GABRB3: variants seen among roughly 807,000 people sequenced by gnomAD.
GABRB3 encodes the protein gamma-aminobutyric acid type A receptor subunit beta3.
Under a neutral mutation model 52.1 loss-of-function variants are expected in GABRB3, and 14 were observed. That is an observed-to-expected ratio of 0.27 (90% CI 0.18 to 0.42). The LOEUF (loss-of-function observed/expected upper bound fraction) is 0.42, where lower values mean the gene tolerates loss of function less well. Ranked by LOEUF, GABRB3 falls within the 10% of genes least tolerant of loss-of-function variation. The pLI is 1.00. For missense variants in GABRB3, 307 were observed against 609.1 expected (o/e 0.50, Z 5.22); for synonymous variants, 260 against 232.3 (o/e 1.12, Z -1.08).
chr15:26,755,784 C>A (rs972358841), intron 3 of GABRB3, among the ~76,000 whole-genome samples: 1 of 152,172 alleles, frequency 6.6e-6, no homozygotes, highest in African/African-American at 2.4e-5. Context: ...ACTCAGTAAT[C>A]TTATTTAATG....
At chr15:26,727,892 A>G (rs796282732) in intron 3 of GABRB3, among the ~76,000 whole-genome samples, 3 of 152,312 alleles carry the variant, frequency 2.0e-5, no homozygotes, top group African/African-American at 7.2e-5. Flanking sequence ...TATTGAATAT[A>G]CCCACTTATT....
chr15:26,553,036 A>T (rs529416149), intron 8 of GABRB3, among the ~76,000 whole-genome samples: 1 of 152,380 alleles, frequency 6.6e-6, no homozygotes, highest in African/African-American at 2.4e-5. Context: ...CGATTGTATT[A>T]GAATGTCCAG....
chr15:26,588,890 A>T (rs1054760191), intron 4 of GABRB3, among the ~76,000 whole-genome samples: 1 of 152,224 alleles, frequency 6.6e-6, no homozygotes, highest in Non-Finnish European at 1.5e-5. Flanking sequence ...CAAATAATAC[A>T]TGTCTAAAGA....
chr15:26,672,012 G>A (rs1004862506), intron 3 of GABRB3, among the ~76,000 whole-genome samples: 3 of 152,092 alleles, frequency 2.0e-5, no homozygotes, highest in Non-Finnish European at 2.9e-5. Flanking sequence ...GGGTCATACC[G>A]AGAAAAATTT....
chr15:26,556,589 G>A (rs1286091441), intron 8 of GABRB3, among the ~76,000 whole-genome samples: 1 of 152,116 alleles, frequency 6.6e-6, no homozygotes, highest in African/African-American at 2.4e-5. Flanking sequence ...AAACAACTCA[G>A]GAACAAACAG....
intron 3 of GABRB3, among the ~76,000 whole-genome samples, chr15:26,755,920 T>C (rs1481603364): frequency 6.6e-6 from 1 of 152,176 alleles, no homozygotes; most frequent in Non-Finnish European, 1.5e-5. Flanking sequence ...AGAAAACTAC[T>C]AAGTAAAATA....
intron 4 of GABRB3, among the ~76,000 whole-genome samples, chr15:26,602,613 T>G (rs143948346): frequency 2.0e-5 from 3 of 152,170 alleles, no homozygotes; most frequent in African/African-American, 7.2e-5. Flanking sequence ...AGAGGAATTT[T>G]GGAAACTATA....
At chr15:26,627,653 C>T (rs1017961816) in intron 3 of GABRB3, among the ~76,000 whole-genome samples, 1 of 152,032 alleles carries the variant, frequency 6.6e-6, no homozygotes, top group African/African-American at 2.4e-5. Context: ...TTGAAGATTT[C>T]CCTGAATTTC....
rs1892500795 is a variant in GABRB3, at chr15:26,621,980, G to A, written c.241-446C>T. Among the ~76,000 whole-genome samples, 1 of 152,080 alleles carries A rather than the reference G, an allele frequency of 6.6e-6. No individual in the cohort carries two copies. Among genetic ancestry groups the A allele is most frequent in the Non-Finnish European group, 1.5e-5 (1 of 68,032 alleles). ...TCTGCAATTTGAGCCACTTTCCTCT[G>A]GTTCTGCCCTCCATGAGGGCTATAA... is the stretch of plus-strand genomic sequence containing the variant. On this transcript the variant is annotated intron_variant, in intron 3 of 8. Transcript: ENST00000311550. The surrounding 1 kb of genome is among the most constrained non-coding windows in gnomAD (Gnocchi z 4.1).
At chr15:26,655,263 A>C (rs1455901424) in intron 3 of GABRB3, among the ~76,000 whole-genome samples, 1 of 152,162 alleles carries the variant, frequency 6.6e-6, no homozygotes, top group African/African-American at 2.4e-5. Context: ...TCCTTTAATA[A>C]TCACTTTATT....
intron 3 of GABRB3, among the ~76,000 whole-genome samples, chr15:26,645,023 G>A (rs1257207050): frequency 6.6e-6 from 1 of 152,194 alleles, no homozygotes; most frequent in African/African-American, 2.4e-5. Context: ...TAAGAAGGAA[G>A]GATTGCTTGA....
chr15:26,607,847 T>C (rs1023703201), intron 4 of GABRB3, among the ~76,000 whole-genome samples: 1 of 152,030 alleles, frequency 6.6e-6, no homozygotes, highest in African/African-American at 2.4e-5. Context: ...AAATGAAATA[T>C]ATCTGTATTA....
chr15:26,580,474 G>C lies in GABRB3; in HGVS notation c.545-18C>G. ...GTAGCCATCTGCCAAGAGAGAAGCA[G>C]GGAGACAGCAAACATCACCATTTCG... On this transcript the variant is annotated intron_variant, in intron 5 of 8. Transcript: ENST00000311550. The C allele has an allele frequency of 6.2e-7, 1 of 1,614,116 alleles. No individual in the cohort carries two copies. The highest frequency in any genetic ancestry group is 8.5e-7 in the Non-Finnish European group (1 of 1,180,006).
chr15:26,622,989 G>C (rs1892543190), intron 3 of GABRB3, among the ~76,000 whole-genome samples: 1 of 152,170 alleles, frequency 6.6e-6, no homozygotes, highest in Admixed American at 6.5e-5. Context: ...CAGATGAAAA[G>C]AAGCAGGCAT....
rs563686492 is a variant in GABRB3, at chr15:26,678,171, T to C, written c.241-56637A>G. Among the ~76,000 whole-genome samples, 9 of 152,286 alleles carry C rather than the reference T, an allele frequency of 5.9e-5. No homozygotes were observed. The East Asian group carries it at 1.5e-3, about 26-fold the overall frequency. ...CTTGAGACATCTTCATAAGACCCACTCAATCCTTGGTGATTTTTATCTTCA... is the reference window on the plus strand; with the variant it reads ...CTTGAGACATCTTCATAAGACCCACCCAATCCTTGGTGATTTTTATCTTCA... On this transcript the variant is annotated intron_variant, in intron 3 of 8. Coordinates refer to ENST00000311550, the MANE Select transcript of GABRB3 (RefSeq NM_000814.6).
intron 3 of GABRB3, among the ~76,000 whole-genome samples, chr15:26,655,205 C>G (rs779244630): frequency 6.6e-6 from 1 of 152,116 alleles, no homozygotes; most frequent in Non-Finnish European, 1.5e-5. Context: ...GTGCTGCATG[C>G]TTCACATTAT....
intron 3 of GABRB3, among the ~76,000 whole-genome samples, chr15:26,768,497 T>C (rs561908297): frequency 6.6e-6 from 1 of 152,212 alleles, no homozygotes; most frequent in Non-Finnish European, 1.5e-5. Context: ...TTTCAATATT[T>C]TATGTTTCCT....
chr15:26,695,754 AC>A (rs1281998855), intron 3 of GABRB3, among the ~76,000 whole-genome samples: 1 of 152,202 alleles, frequency 6.6e-6, no homozygotes, highest in Non-Finnish European at 1.5e-5. Flanking sequence ...GATAATAGCA[AC>A]AATGAGTTTG....
At chr15:26,638,532 C>A (rs144737627) in intron 3 of GABRB3, among the ~76,000 whole-genome samples, 92 of 152,342 alleles carry the variant, frequency 6.0e-4, no homozygotes, top group African/African-American at 2.1e-3. Context: ...AGGCCGGAGA[C>A]CCCTCTGAGT....
Sources: gnomAD v4.1 joint callset for allele counts (sites outside exome capture counted in the v4.1 genomes callset) on GRCh38, gnomAD v4.1.1 for gene constraint, Gnocchi (gnomAD v3.1) non-coding constraint, MANE v1.5 for transcripts, NCBI Gene and HGNC (gene_info 2026-07-23, HGNC 2026-07-21) for gene names.